The following LGR6 variants were observed in gnomAD, a reference collection of about 807,000 sequenced individuals.
LGR6 encodes leucine rich repeat containing G protein-coupled receptor 6.
LGR6 carries 45 observed loss-of-function variants against 69.4 expected under a neutral mutation model. The observed-to-expected ratio is 0.65, with a 90% CI of 0.51 to 0.83. The LOEUF is 0.83. Ranked by LOEUF, LGR6 falls within the 40% of genes least tolerant of loss-of-function variation. The probability of loss-of-function intolerance (pLI) is 0.00; values close to 1 mark genes in which losing one functional copy is unlikely to be tolerated. For missense variants in LGR6, 1,108 were observed against 1,246.7 expected, an observed-to-expected ratio of 0.89 and a Z score of 1.68; for synonymous variants, 538 against 555.0, an observed-to-expected ratio of 0.97 and a Z score of 0.43.
chr1:202,196,344 TG>T (rs1477486042), intron 1 of LGR6, among the ~76,000 whole-genome samples: 2 of 152,102 alleles, frequency 1.3e-5, no homozygotes, highest in Non-Finnish European at 2.9e-5. Context: ...CACCTGAAGG[TG>T]GGGTTGAGAG....
intron 1 of LGR6, among the ~76,000 whole-genome samples, chr1:202,200,917 G>T (rs1658814711): frequency 6.6e-6 from 1 of 152,236 alleles, no homozygotes; most frequent in Non-Finnish European, 1.5e-5. Context: ...CCGGCGGCTG[G>T]CGGGTTGGAG....
intron 1 of LGR6, among the ~76,000 whole-genome samples, chr1:202,221,080 T>C (rs1391022493): frequency 1.3e-5 from 2 of 152,100 alleles, no homozygotes; most frequent in African/African-American, 4.8e-5. Context: ...AAAAGGGGTT[T>C]CTGCCCCTCC....
In LGR6 at chr1:202,225,318, A is replaced by G. The variant is rs1036272094; in HGVS notation, c.213-105A>G. The stretch of plus-strand genomic sequence containing the variant: ...GAGTCAGAATGGCCTGGTGGGGGGT[A>G]CTGTGGGAGCCTCGGAGGTCCCTCG... On this transcript the variant is annotated intron_variant, in intron 1 of 17. Coordinates refer to ENST00000367278, the MANE Select transcript of LGR6 (RefSeq NM_001017403.2). 3 of 933,312 alleles carry G rather than the reference A, an allele frequency of 3.2e-6. No individual in the cohort carries two copies. The Admixed American group carries it at 5.2e-5, about 16-fold the overall frequency. The allele number at this position is 933,312 out of a possible 1,614,324, so 57.8% of individuals were successfully genotyped here. A position where few individuals can be genotyped will look rare whatever the true frequency, so the allele number is the denominator to read the frequency against.
rs1338435212 is a variant in LGR6, at chr1:202,270,467, C to T, written c.429-5839C>T. 2.0e-5 allele frequency among the ~76,000 whole-genome samples: 3 copies of T among 152,088 alleles called. No individual in the cohort carries two copies. In the East Asian group the frequency reaches 5.8e-4, roughly 29 times the overall value. ...ATGTTGGTCAGGATGGTCTTGAACT[C>T]CCGAACTCAGGTGATCTGCCCACCT... On this transcript the variant is annotated intron_variant, in intron 4 of 17. Coordinates refer to ENST00000367278, the MANE Select transcript of LGR6 (RefSeq NM_001017403.2).
intron 4 of LGR6, among the ~76,000 whole-genome samples, chr1:202,259,488 A>G (rs1403228066): frequency 6.6e-6 from 1 of 152,124 alleles, no homozygotes; most frequent in African/African-American, 2.4e-5. Flanking sequence ...AGTTTTGAGC[A>G]TTATCTTTTC....
At chr1:202,275,181 G>A (rs575796239) in intron 4 of LGR6, among the ~76,000 whole-genome samples, 1 of 152,304 alleles carries the variant, frequency 6.6e-6, no homozygotes, top group South Asian at 2.1e-4. Flanking sequence ...GGTAAGGCTG[G>A]GGTTTCCATG....
intron 4 of LGR6, among the ~76,000 whole-genome samples, chr1:202,252,216 A>T (rs1387011219): frequency 1.3e-5 from 2 of 151,206 alleles, no homozygotes; most frequent in East Asian, 1.9e-4. Flanking sequence ...TCTTCCCCCT[A>T]CCTCCCCAAA....
intron 16 of LGR6, 47 bp from the exon 17 acceptor site, chr1:202,314,755 C>A: frequency 7.2e-7 from 1 of 1,393,848 alleles, no homozygotes; most frequent in Non-Finnish European, 1.0e-6. Context: ...TAGGGCTTGA[C>A]TGACACCAAG....
At chr1:202,208,243 G>A (rs12023446) in intron 1 of LGR6, among the ~76,000 whole-genome samples, 43,449 of 152,090 alleles carry the variant, frequency 0.29, 7,392 homozygotes, top group Non-Finnish European at 0.38. Context: ...GGGCTAGGAC[G>A]CTGTCTTTGC....
In LGR6 at chr1:202,283,678, G is replaced by A. The variant is rs140436200; in HGVS notation, c.716+2826G>A. On this transcript the variant is annotated intron_variant, in intron 6 of 17. Transcript: ENST00000367278. ...GGGCCAGGTGCGGGCATGCACACAC[G>A]TGGTCACACAGGCATCTGGAACTGC... Among the ~76,000 whole-genome samples, 1,003 of 152,304 alleles carry A rather than the reference G, an allele frequency of 6.6e-3. 16 individuals are homozygous for A. Among genetic ancestry groups the A allele is most frequent in the African/African-American group, 0.023 (937 of 41,572 alleles).
chr1:202,236,309 G>C (rs1047484739), intron 4 of LGR6: 2 of 381,258 alleles, frequency 5.2e-6, no homozygotes, highest in African/African-American at 4.1e-5. Context: ...TGCCATTGGA[G>C]CCTGGGTTTA....
At position 202,252,530 on chromosome 1, in the gene LGR6, G is replaced by A. The variant is rs142174045; in HGVS notation, c.428+16537G>A. Among the ~76,000 whole-genome samples the A allele has an allele frequency of 6.2e-4, 95 of 152,324 alleles. 1 individual carries two copies. The highest frequency in any genetic ancestry group is 2.1e-3 in the African/African-American group (87 of 41,556). Reference sequence around the variant, plus strand: ...AGGTACCATGGGTGATTAGTGGCAGGATTGCCACCAGCTGAGCCAAATGCC... The same window carrying A: ...AGGTACCATGGGTGATTAGTGGCAGAATTGCCACCAGCTGAGCCAAATGCC... On this transcript the variant is annotated intron_variant, in intron 4 of 17. Transcript: ENST00000367278.
chr1:202,227,002 G>T (rs939984222), intron 2 of LGR6, among the ~76,000 whole-genome samples: 1 of 152,106 alleles, frequency 6.6e-6, no homozygotes, highest in Non-Finnish European at 1.5e-5. Context: ...CGTCTCCCAC[G>T]ACCTGAGAGG....
At chr1:202,233,392 G>A (rs1320582249) in intron 3 of LGR6, among the ~76,000 whole-genome samples, 1 of 152,138 alleles carries the variant, frequency 6.6e-6, no homozygotes, top group Non-Finnish European at 1.5e-5. Context: ...TGAGCAGCCT[G>A]CGACCCCCTG....
rs2148132924 is a variant in LGR6 at position 202,268,840 on chromosome 1, T to C, written c.429-7466T>C. Among the ~76,000 whole-genome samples, 1 of 152,300 alleles carries C rather than the reference T, an allele frequency of 6.6e-6. No individual in the cohort carries two copies. Among genetic ancestry groups the C allele is most frequent in the Admixed American group, 6.5e-5 (1 of 15,304 alleles). The stretch of plus-strand genomic sequence containing the variant: ...CCTCATGGGCCTGCGACCTGTGTGG[T>C]TGCCAGGGCCCTGATAGCAGAAGGG... On this transcript the variant is annotated intron_variant, in intron 4 of 17. Transcript: ENST00000367278. The surrounding 1 kb of genome is among the most constrained non-coding windows in gnomAD (Gnocchi z 4.4).
At chr1:202,199,420 C>T (rs1319779370) in intron 1 of LGR6, among the ~76,000 whole-genome samples, 1 of 152,140 alleles carries the variant, frequency 6.6e-6, no homozygotes, top group African/African-American at 2.4e-5. Context: ...GCCAACACCC[C>T]AGTTCAAAGG....
At chr1:202,238,460 G>A (rs1181487947) in intron 4 of LGR6, among the ~76,000 whole-genome samples, 1 of 118,638 alleles carries the variant, frequency 8.4e-6, no homozygotes, top group Non-Finnish European at 1.6e-5. Context: ...TTTTTGCTCT[G>A]TCGCCCAGGC....
chr1:202,233,957 T>C (rs952920235), intron 3 of LGR6, among the ~76,000 whole-genome samples: 6 of 152,342 alleles, frequency 3.9e-5, no homozygotes, highest in Admixed American at 3.3e-4. Context: ...GGATCAGGGC[T>C]GTCTGACTTC....
chr1:202,277,604 C>A (rs1164879009), intron 5 of LGR6, among the ~76,000 whole-genome samples: 3 of 152,030 alleles, frequency 2.0e-5, no homozygotes, highest in African/African-American at 7.3e-5. Context: ...TGGTTGGCCC[C>A]AGGTGGATAA....
Sources: allele counts gnomAD v4.1 joint callset (sites outside exome capture counted in the v4.1 genomes callset), GRCh38; gene constraint gnomAD v4.1.1; non-coding constraint Gnocchi (gnomAD v3.1); transcripts MANE v1.5; gene names NCBI Gene and HGNC (gene_info 2026-07-23, HGNC 2026-07-21).